The following IFT43 variants were observed in gnomAD, a reference collection of about 807,000 sequenced individuals.
IFT43 encodes intraflagellar transport 43, also known as intraflagellar transport protein 43 homolog.
IFT43 carries 33 observed loss-of-function variants against 32.3 expected under a neutral mutation model. That is an observed-to-expected ratio of 1.02 (90% confidence interval 0.77 to 1.37). The LOEUF is 1.37. Among genes scored for constraint, IFT43 ranks in the 40% most tolerant of loss-of-function variants. The pLI is 0.00. For missense variants in IFT43, 274 were observed against 265.9 expected, an observed-to-expected ratio of 1.03 and a Z score of -0.21; for synonymous variants, 93 against 98.2, an observed-to-expected ratio of 0.95 and a Z score of 0.31.
chr14:76,066,384 A>G (rs1243780118), intron 5 of IFT43, among the ~76,000 whole-genome samples: 1 of 152,220 alleles, frequency 6.6e-6, no homozygotes, highest in Admixed American at 6.5e-5. Context: ...TCTGTTTTCC[A>G]TGCAGTTATG....
chr14:75,988,453 C>T (rs2035572257), intron 1 of IFT43, among the ~76,000 whole-genome samples: 1 of 152,188 alleles, frequency 6.6e-6, no homozygotes, highest in Non-Finnish European at 1.5e-5. Context: ...CCAAGTAACT[C>T]AAATCCCGTT....
intron 5 of IFT43, among the ~76,000 whole-genome samples, chr14:76,071,394 C>T (rs1594862435): frequency 6.6e-6 from 1 of 152,212 alleles, no homozygotes; most frequent in East Asian, 1.9e-4. Context: ...CACCATCTTA[C>T]AGAGGAGGAA....
At chr14:76,041,906 AT>A (rs2140009868) in intron 3 of IFT43, among the ~76,000 whole-genome samples, 1 of 152,304 alleles carries the variant, frequency 6.6e-6, no homozygotes, top group African/African-American at 2.4e-5. Context: ...CAGATGCACT[AT>A]TCCCCTGTTG....
intron 2 of IFT43, among the ~76,000 whole-genome samples, chr14:76,000,262 CTTTT>C (rs35001298): frequency 0.043 from 5,019 of 115,498 alleles, 251 homozygotes; most frequent in African/African-American, 0.15. Context: ...TAACTGGCTT[CTTTT>C]TTTTTTTTTT....
chr14:76,075,445 G>A (rs1469651689), intron 5 of IFT43, among the ~76,000 whole-genome samples: 2 of 152,198 alleles, frequency 1.3e-5, no homozygotes, highest in Non-Finnish European at 2.9e-5. Flanking sequence ...TTTGAAGCCT[G>A]TTGCCTCCTG....
intron 3 of IFT43, among the ~76,000 whole-genome samples, chr14:76,052,652 C>G (rs1267811701): frequency 6.6e-6 from 1 of 152,158 alleles, no homozygotes; most frequent in African/African-American, 2.4e-5. Context: ...ATCACACCGT[C>G]AAATGTCAGT....
chr14:76,009,984 A>G (rs902069909), intron 2 of IFT43, among the ~76,000 whole-genome samples: 13 of 152,062 alleles, frequency 8.5e-5, no homozygotes, highest in South Asian at 2.1e-4. Context: ...TAGTAGAGAC[A>G]GGGTTTCACC....
chr14:76,069,961 C>T (rs535830563), intron 5 of IFT43, among the ~76,000 whole-genome samples: 3 of 152,256 alleles, frequency 2.0e-5, no homozygotes, highest in South Asian at 2.1e-4. Flanking sequence ...ATCCTTCTGG[C>T]GAACCAAAAA....
chr14:76,064,819 A>G (rs566413991), intron 5 of IFT43, among the ~76,000 whole-genome samples: 8 of 152,326 alleles, frequency 5.3e-5, no homozygotes, highest in African/African-American at 7.2e-5. Flanking sequence ...TTGATAATCT[A>G]TAGAATTATC....
At chr14:76,028,055 T>A (rs563985468) in intron 3 of IFT43, among the ~76,000 whole-genome samples, 5 of 152,206 alleles carry the variant, frequency 3.3e-5, no homozygotes, top group Non-Finnish European at 5.9e-5. Context: ...AAGATTCAAG[T>A]TAAAGGTTGT....
In IFT43 at chr14:76,071,719, CCTTT is replaced by C. The variant is rs1210973885; in HGVS notation, c.296-10571_296-10568del. ...AGTGGTGAGTTTTGAGTATTTATTA[CCTTT>C]CTTTTTAATATAATTTAATTATAAG... On this transcript the variant is annotated intron_variant, in intron 5 of 8. Coordinates refer to ENST00000314067, the MANE Select transcript of IFT43 (RefSeq NM_001102564.3). Among the ~76,000 whole-genome samples the C allele has an allele frequency of 1.1e-4, 17 of 152,234 alleles. No individual in the cohort carries two copies. In the East Asian group the frequency reaches 1.7e-3, roughly 16 times the overall value.
At chr14:76,006,615 C>T (rs80173064) in intron 2 of IFT43, among the ~76,000 whole-genome samples, 1,829 of 152,010 alleles carry the variant, frequency 0.012, 46 homozygotes, top group African/African-American at 0.042. Context: ...TTTCTTATCC[C>T]GGTTTGTGTC....
intron 3 of IFT43, among the ~76,000 whole-genome samples, chr14:76,023,897 A>G (rs1316059261): frequency 1.3e-5 from 2 of 152,216 alleles, no homozygotes; most frequent in Non-Finnish European, 2.9e-5. Flanking sequence ...AAACCTTATG[A>G]TGTTAAGAAT....
intron 2 of IFT43, among the ~76,000 whole-genome samples, chr14:76,015,085 G>A (rs1226699451): frequency 6.6e-6 from 1 of 152,152 alleles, no homozygotes; most frequent in African/African-American, 2.4e-5. Context: ...GACCAGTGCC[G>A]AGTTCCCCAC....
chr14:76,035,994 C>A (rs2036591207), intron 3 of IFT43, among the ~76,000 whole-genome samples: 1 of 152,182 alleles, frequency 6.6e-6, no homozygotes, highest in South Asian at 2.1e-4. Flanking sequence ...AGAAGATATA[C>A]CTATGGATGT....
chr14:76,083,866 G>C (rs542140742), downstream of IFT43: 2 of 555,486 alleles, frequency 3.6e-6, no homozygotes, highest in African/African-American at 1.9e-5. Context: ...GGGAGAGTTC[G>C]ATTCAGGCGG....
chr14:76,036,745 A>G (rs2036607326), intron 3 of IFT43, among the ~76,000 whole-genome samples: 1 of 151,418 alleles, frequency 6.6e-6, no homozygotes, highest in Non-Finnish European at 1.5e-5. Flanking sequence ...ATTCTGCAAC[A>G]ATCACCACCC....
chr14:76,004,395 T>C (rs918907592), intron 2 of IFT43, among the ~76,000 whole-genome samples: 3 of 152,170 alleles, frequency 2.0e-5, no homozygotes, highest in Admixed American at 1.3e-4. Flanking sequence ...TGGCCATTTT[T>C]CCCCCGATTG....
intron 1 of IFT43, chr14:75,986,375 T>C (rs998030183): frequency 1.0e-6 from 1 of 995,602 alleles, no homozygotes; most frequent in East Asian, 6.4e-5. Flanking sequence ...CAAGACCGAT[T>C]TGTAACGTGA....
Sources: gnomAD v4.1 joint callset for allele counts (sites outside exome capture counted in the v4.1 genomes callset) on GRCh38, gnomAD v4.1.1 for gene constraint, MANE v1.5 for transcripts, NCBI Gene and HGNC (gene_info 2026-07-23, HGNC 2026-07-21) for gene names.